The following PLCB1 variants were observed in gnomAD, a reference collection of about 807,000 sequenced individuals.
PLCB1 encodes 1-phosphatidylinositol 4,5-bisphosphate phosphodiesterase beta-1.
PLCB1 carries 46 observed loss-of-function variants against 161.8 expected under a neutral mutation model. The observed-to-expected ratio is 0.28, with a 90% CI of 0.22 to 0.36. The LOEUF (loss-of-function observed/expected upper bound fraction) is 0.36. Ranked by LOEUF, PLCB1 falls within the 10% of genes least tolerant of loss-of-function variation. The pLI, the probability that PLCB1 is intolerant of heterozygous loss-of-function variation, is 1.00. For synonymous variants in PLCB1, 517 were observed against 503.7 expected, an observed-to-expected ratio of 1.03 and a Z score of -0.35; for missense variants, 1,016 against 1,472.5, an observed-to-expected ratio of 0.69 and a Z score of 5.07.
chr20:8,220,807 G>A (rs928631381), intron 2 of PLCB1, among the ~76,000 whole-genome samples: 1 of 152,184 alleles, frequency 6.6e-6, no homozygotes, highest in Non-Finnish European at 1.5e-5. Flanking sequence ...ACTAATACAA[G>A]TGTTCATTAT....
At chr20:8,583,657 C>G (rs1046094907) in intron 3 of PLCB1, among the ~76,000 whole-genome samples, 1 of 152,164 alleles carries the variant, frequency 6.6e-6, no homozygotes, top group Non-Finnish European at 1.5e-5. Context: ...TAATTCTCCC[C>G]CATTTCCTGC....
intron 2 of PLCB1, among the ~76,000 whole-genome samples, chr20:8,357,107 A>G (rs1239592675): frequency 6.6e-6 from 1 of 152,200 alleles, no homozygotes; most frequent in African/African-American, 2.4e-5. Context: ...GGATTTATGA[A>G]TTATTTATTA....
chr20:8,606,952 T>A (rs1281749095), intron 3 of PLCB1, among the ~76,000 whole-genome samples: 3 of 152,190 alleles, frequency 2.0e-5, no homozygotes, highest in Admixed American at 2.0e-4. Context: ...TGCCTAAAAG[T>A]AGACACCAAT....
At chr20:8,268,689 G>A (rs1048171893) in intron 2 of PLCB1, among the ~76,000 whole-genome samples, 6 of 152,142 alleles carry the variant, frequency 3.9e-5, no homozygotes, top group African/African-American at 7.2e-5. Context: ...TCTCATTGTG[G>A]TTTTGATTTG....
chr20:8,656,527 C>T (rs1194825380), intron 7 of PLCB1, among the ~76,000 whole-genome samples: 1 of 151,914 alleles, frequency 6.6e-6, no homozygotes, highest in Non-Finnish European at 1.5e-5. Context: ...GGCAGCCCAA[C>T]CAAACAGAAA....
At chr20:8,300,219 T>C (rs1983836434) in intron 2 of PLCB1, among the ~76,000 whole-genome samples, 1 of 152,144 alleles carries the variant, frequency 6.6e-6, no homozygotes, top group Admixed American at 6.6e-5. Context: ...ACAGCACAAG[T>C]AGAGATATCA....
chr20:8,479,227 A>G (rs1568691784), intron 3 of PLCB1, among the ~76,000 whole-genome samples: 3 of 152,174 alleles, frequency 2.0e-5, no homozygotes, highest in Admixed American at 6.5e-5. Flanking sequence ...GCATTATAGA[A>G]TAGGTGCAAG....
intron 24 of PLCB1, among the ~76,000 whole-genome samples, chr20:8,759,747 A>G (rs1345601163): frequency 6.6e-6 from 1 of 151,892 alleles, no homozygotes; most frequent in Non-Finnish European, 1.5e-5. Context: ...TGATCCATCT[A>G]CCTTGGCCTC....
chr20:8,134,051 G>A (rs535820192), intron 1 of PLCB1, among the ~76,000 whole-genome samples: 14 of 152,286 alleles, frequency 9.2e-5, no homozygotes, highest in African/African-American at 3.4e-4. Context: ...TTGAAAGCTC[G>A]TGCCAATTAT....
At chr20:8,750,259 A>G (rs570711388) in intron 23 of PLCB1, among the ~76,000 whole-genome samples, 2 of 152,304 alleles carry the variant, frequency 1.3e-5, no homozygotes, top group Admixed American at 1.3e-4. Flanking sequence ...TAACTGTGCA[A>G]AACACCAAAA....
chr20:8,210,468 A>G (rs895566044), intron 2 of PLCB1, among the ~76,000 whole-genome samples: 8 of 152,114 alleles, frequency 5.3e-5, no homozygotes, highest in African/African-American at 1.7e-4. Context: ...GAAATTGGAA[A>G]CAACCTGACT....
intron 7 of PLCB1, chr20:8,649,774 G>A (rs1324447437): frequency 4.0e-5 from 13 of 324,080 alleles, no homozygotes; most frequent in Admixed American, 2.9e-4. Context: ...CCCAGCCTTT[G>A]TAACTGTAGG....
chr20:8,444,857 G>C (rs1490491845), intron 3 of PLCB1, among the ~76,000 whole-genome samples: 3 of 151,800 alleles, frequency 2.0e-5, no homozygotes, highest in Admixed American at 6.6e-5. Context: ...CTTTTGAGAA[G>C]TGTCTGTTTA....
chr20:8,573,134 C>T (rs550098404), intron 3 of PLCB1, among the ~76,000 whole-genome samples: 5 of 151,990 alleles, frequency 3.3e-5, no homozygotes, highest in Non-Finnish European at 7.4e-5. Context: ...CATTAGAAGA[C>T]AATAGTTAAA....
intron 2 of PLCB1, among the ~76,000 whole-genome samples, chr20:8,180,967 G>GTGTA (rs960293168): frequency 2.1e-5 from 3 of 143,238 alleles, no homozygotes; most frequent in Admixed American, 1.4e-4. Flanking sequence ...GTGTGTGTGT[G>GTGTA]TGTATGTATG....
At chr20:8,534,589 C>T (rs369734883) in intron 3 of PLCB1, among the ~76,000 whole-genome samples, 16 of 147,964 alleles carry the variant, frequency 1.1e-4, no homozygotes, top group East Asian at 5.8e-4. Context: ...AGTGAAACAA[C>T]GGGGGCGTTG....
chr20:8,230,577 C>G (rs1372967669), intron 2 of PLCB1, among the ~76,000 whole-genome samples: 1 of 152,110 alleles, frequency 6.6e-6, no homozygotes, highest in East Asian at 1.9e-4. Context: ...AAGACCAGCT[C>G]TATCTAAAGT....
At chr20:8,784,194 G>C (rs4813871) in intron 27 of PLCB1, among the ~76,000 whole-genome samples, 88,359 of 151,946 alleles carry the variant, frequency 0.58, 26,012 homozygotes, top group South Asian at 0.71. Flanking sequence ...TCTCCTGGAG[G>C]TTCAGTAGAC....
chr20:8,524,172 T>C (rs1008840289), intron 3 of PLCB1, among the ~76,000 whole-genome samples: 20 of 152,302 alleles, frequency 1.3e-4, no homozygotes, highest in Admixed American at 5.2e-4. Context: ...ATTTACATAC[T>C]CTAGTCAAAA....
Sources: gnomAD v4.1 joint callset for allele counts (sites outside exome capture counted in the v4.1 genomes callset) on GRCh38, gnomAD v4.1.1 for gene constraint, MANE v1.5 for transcripts, NCBI Gene and HGNC (gene_info 2026-07-23, HGNC 2026-07-21) for gene names.